Variants in CD300LF observed in about 807,000 individuals in gnomAD.
CD300LF encodes the protein CD300 molecule like family member f.
A neutral mutation model predicts 32.2 loss-of-function variants in CD300LF; 27 were observed. That is an observed-to-expected ratio of 0.84 (90% CI 0.62 to 1.15). The LOEUF (loss-of-function observed/expected upper bound fraction) is 1.15, where lower values mean the gene tolerates loss of function less well. Ranked by LOEUF, CD300LF falls within the 50% of genes most tolerant of loss-of-function variation. The probability of loss-of-function intolerance (pLI) is 0.00; values close to 1 mark genes in which losing one functional copy is unlikely to be tolerated. For missense variants in CD300LF, 348 were observed against 356.8 expected, an observed-to-expected ratio of 0.98 and a Z score of 0.20; for synonymous variants, 139 against 143.2, an observed-to-expected ratio of 0.97 and a Z score of 0.21.
At chr17:74,708,765 A>C (rs529264020) in intron 1 of CD300LF, among the ~76,000 whole-genome samples, 3 of 151,924 alleles carry the variant, frequency 2.0e-5, no homozygotes, top group Non-Finnish European at 4.4e-5. Context: ...AAATACAAAA[A>C]ATTAGCCAGG....
chr17:74,701,926 G>A (rs1157058158), intron 3 of CD300LF, among the ~76,000 whole-genome samples: 2 of 151,832 alleles, frequency 1.3e-5, no homozygotes, highest in Non-Finnish European at 2.9e-5. Context: ...GGAGACTGAG[G>A]CATGAGAATT....
chr17:74,703,845 C>G (rs993171900), intron 2 of CD300LF, among the ~76,000 whole-genome samples: 6 of 152,200 alleles, frequency 3.9e-5, no homozygotes, highest in Non-Finnish European at 7.3e-5. Context: ...GCACTGGGAC[C>G]CCTGAGCTAA....
At chr17:74,701,275 T>A (rs975016390) in intron 3 of CD300LF, among the ~76,000 whole-genome samples, 1 of 152,244 alleles carries the variant, frequency 6.6e-6, no homozygotes, top group Non-Finnish European at 1.5e-5. Context: ...AGCTCTAGAT[T>A]GTAAGTACCT....
chr17:74,704,605 A>T lies in CD300LF; in HGVS notation c.255T>A (p.Asn85Lys). 1 of 1,614,094 alleles carries T rather than the reference A, an allele frequency of 6.2e-7. No individual in the cohort carries two copies. Among genetic ancestry groups the T allele is most frequent in the Non-Finnish European group, 8.5e-7 (1 of 1,180,028 alleles). ...VKRDRVSIKD[N>K]QKNRTFTVTM... ...TCACAGTGAACGTGCGGTTTTTCTG[A>T]TTGTCCTTGATGGACACCCGGTCCC... Residue 85 changes from asparagine to lysine, a missense_variant, in exon 2 of 7, where the codon AAT becomes AAA. By Grantham distance (94) the Asn-to-Lys change is moderately conservative. Transcript: ENST00000326165.
intron 3 of CD300LF, among the ~76,000 whole-genome samples, chr17:74,700,226 C>T (rs1163556775): frequency 6.6e-6 from 1 of 151,968 alleles, no homozygotes; most frequent in South Asian, 2.1e-4. Context: ...CCGTAACAGC[C>T]CCATTTCAGC....
At position 74,704,689 on chromosome 17, in the gene CD300LF, A is replaced by AG. The variant is rs1490245591; in HGVS notation, c.170dup (p.Ile58TyrfsTer4). On this transcript the variant is annotated frameshift_variant, in exon 2 of 7. Coordinates refer to ENST00000326165, the MANE Select transcript of CD300LF (RefSeq NM_139018.5). LOFTEE classifies it high-confidence loss of function. Reference sequence around the variant, plus strand: ...CAAGGATCTTGCAGTCACGCCAAATAGCTCCTCGACACCACCACTTCAAGT... The same window carrying AG: ...CAAGGATCTTGCAGTCACGCCAAATAGGCTCCTCGACACCACCACTTCAAGT... 2 of 1,614,166 alleles carry AG rather than the reference A, an allele frequency of 1.2e-6. No homozygotes were observed. Among genetic ancestry groups the AG allele is most frequent in the Admixed American group, 3.3e-5 (2 of 60,020 alleles).
chr17:74,707,390 A>G (rs1407597172), intron 1 of CD300LF, among the ~76,000 whole-genome samples: 2 of 152,268 alleles, frequency 1.3e-5, no homozygotes, highest in African/African-American at 4.8e-5. Context: ...TTAAATGCTC[A>G]ACATCTCTGA....
chr17:74,709,879 ATTATTC>A (rs1427940141), intron 1 of CD300LF, among the ~76,000 whole-genome samples: 1 of 151,010 alleles, frequency 6.6e-6, no homozygotes, highest in Non-Finnish European at 1.5e-5. Context: ...CACCAGCCAA[ATTATTC>A]TTAACAGTGA....
intron 1 of CD300LF, among the ~76,000 whole-genome samples, chr17:74,708,936 A>G (rs549102001): frequency 6.6e-6 from 1 of 151,386 alleles, no homozygotes; most frequent in African/African-American, 2.4e-5. Flanking sequence ...AGGAAAATCA[A>G]TAAGGAGGCC....
At chr17:74,695,994 T>C (rs2032430693) in intron 5 of CD300LF, 135 bp from the exon 6 acceptor site, 8 of 1,281,158 alleles carry the variant, frequency 6.2e-6, no homozygotes, top group South Asian at 1.4e-5. Context: ...TGTCCTCCAC[T>C]TCTCAGGCTC....
At chr17:74,696,564 A>G (rs1202852213) in intron 4 of CD300LF, among the ~76,000 whole-genome samples, 1 of 152,112 alleles carries the variant, frequency 6.6e-6, no homozygotes, top group African/African-American at 2.4e-5. Context: ...GAATTCCACC[A>G]TGTCTCTCTA....
chr17:74,704,406 C>A, intron 2 of CD300LF, 72 bp downstream of exon 2: 4 of 1,104,512 alleles, frequency 3.6e-6, no homozygotes, highest in Non-Finnish European at 5.3e-6. Flanking sequence ...AATTAAATCA[C>A]TTGAGTAGGA....
Position 74,703,042 on chromosome 17 carries a change from C to A in CD300LF, c.439G>T (p.Asp147Tyr). 1 of 1,613,552 alleles carries A rather than the reference C, an allele frequency of 6.2e-7. No individual in the cohort carries two copies. Among genetic ancestry groups the A allele is most frequent in the South Asian group, 1.1e-5 (1 of 91,048 alleles). The stretch of plus-strand genomic sequence containing the variant: ...GAACCAGAGCTGGCTTACCTGTTGT[C>A]CAAGTGGTGGCCGGTCAGAGTTGGG... ...SSPTLTGHHL[D>Y]NRHKLLKLSV... The change falls in exon 3 of 7, where the codon GAC (aspartate) becomes TAC (tyrosine). Residue 147 changes from aspartate (D) to tyrosine (Y), a missense_variant. By Grantham distance (160) the Asp-to-Tyr change is radical. Transcript: ENST00000326165.
At chr17:74,695,578 G>T in intron 6 of CD300LF, 147 bp downstream of exon 6, 1 of 1,169,132 alleles carries the variant, frequency 8.6e-7, no homozygotes, top group South Asian at 1.5e-5. Flanking sequence ...GAGCTCCTAG[G>T]CGAGTCCTGC....
chr17:74,698,848 T>C (rs140298716), intron 3 of CD300LF, among the ~76,000 whole-genome samples: 102 of 152,320 alleles, frequency 6.7e-4, no homozygotes, highest in Non-Finnish European at 1.3e-3. Context: ...TCTGTACGTG[T>C]ACCCCTGAAG....
intron 1 of CD300LF, among the ~76,000 whole-genome samples, chr17:74,707,575 TG>T (rs1285995137): frequency 6.6e-6 from 1 of 151,648 alleles, no homozygotes; most frequent in East Asian, 2.0e-4. Context: ...ATTAACCAGG[TG>T]TGGTGGAGTG....
rs2032278904 is a variant in CD300LF at position 74,694,882 on chromosome 17, T to C, written c.*214A>G. On this transcript the variant is annotated 3_prime_UTR_variant, in exon 7 of 7. Coordinates refer to ENST00000326165, the MANE Select transcript of CD300LF (RefSeq NM_139018.5). ...ATATCCCTAGCCCCCTCCTCAACTA[T>C]GTAGGAGAGGAGGGGACGTTTAGAA... The C allele has an allele frequency of 4.0e-6, 2 of 496,872 alleles. No homozygotes were observed. The highest frequency in any genetic ancestry group is 7.1e-6 in the Non-Finnish European group (2 of 280,406). 30.8% of individuals were successfully genotyped at this position (496,872 alleles called of 1,614,324 possible). A position where few individuals can be genotyped will look rare whatever the true frequency, so the allele number is the denominator to read the frequency against.
intron 1 of CD300LF, chr17:74,705,374 T>C (rs886644888): frequency 1.4e-5 from 9 of 646,846 alleles, no homozygotes; most frequent in Admixed American, 6.3e-5. Context: ...CTGGTCTCCA[T>C]GTGCTATAGG....
At chr17:74,697,152 C>T (rs1354801227) in intron 4 of CD300LF, among the ~76,000 whole-genome samples, 1 of 152,144 alleles carries the variant, frequency 6.6e-6, no homozygotes, top group Admixed American at 6.5e-5. Flanking sequence ...CCATGTTGGC[C>T]AGGCTGGTCT....
Sources: gnomAD v4.1 joint callset for allele counts (sites outside exome capture counted in the v4.1 genomes callset) on GRCh38, gnomAD v4.1.1 for gene constraint, MANE v1.5 for transcripts, NCBI Gene and HGNC (gene_info 2026-07-23, HGNC 2026-07-21) for gene names.